Variants in BMERB1 observed in about 807,000 individuals in gnomAD.
BMERB1 encodes the protein bMERB domain-containing protein 1.
BMERB1 carries 12 observed loss-of-function variants against 23.6 expected under a neutral mutation model. The ratio of observed to expected loss-of-function variants is 0.51; its 90% confidence interval spans 0.33 to 0.82. The LOEUF (loss-of-function observed/expected upper bound fraction) is 0.82. Ranked by LOEUF, BMERB1 falls within the 40% of genes least tolerant of loss-of-function variation. The probability of loss-of-function intolerance (pLI) is 0.03; values close to 1 mark genes in which losing one functional copy is unlikely to be tolerated. For synonymous variants in BMERB1, 122 were observed against 96.6 expected (o/e 1.26, Z -1.54); for missense variants, 247 against 255.4 (o/e 0.97, Z 0.22).
chr16:15,531,150 G>T (rs1016636559), intron 2 of BMERB1, among the ~76,000 whole-genome samples: 2 of 151,752 alleles, frequency 1.3e-5, no homozygotes, highest in Non-Finnish European at 2.9e-5. Flanking sequence ...CTCGTGATCC[G>T]CCCACCTCAG....
At chr16:15,440,187 G>T (rs760716064) in intron 1 of BMERB1, among the ~76,000 whole-genome samples, 8 of 144,640 alleles carry the variant, frequency 5.5e-5, no homozygotes. Flanking sequence ...AGAGGTTGCA[G>T]TGAGCCGAGA....
chr16:15,519,756 T>A (rs549199879), intron 2 of BMERB1, among the ~76,000 whole-genome samples: 1 of 152,036 alleles, frequency 6.6e-6, no homozygotes, highest in Non-Finnish European at 1.5e-5. Context: ...CACCCTCACA[T>A]TTAGATTATT....
chr16:15,541,459 ACT>A (rs1201834815), intron 2 of BMERB1, among the ~76,000 whole-genome samples: 73 of 119,854 alleles, frequency 6.1e-4, no homozygotes, highest in African/African-American at 2.3e-3. Flanking sequence ...ACAGGGTCTC[ACT>A]CTGTCACCCA....
chr16:15,469,211 C>T (rs983741841), intron 1 of BMERB1, among the ~76,000 whole-genome samples: 1 of 152,120 alleles, frequency 6.6e-6, no homozygotes, highest in Non-Finnish European at 1.5e-5. Flanking sequence ...AGCAATCCTC[C>T]CACCTCAGCA....
At chr16:15,502,130 C>T (rs867596155) in intron 1 of BMERB1, 13 of 670,710 alleles carry the variant, frequency 1.9e-5, no homozygotes, top group African/African-American at 1.3e-4. Context: ...GTCTGCTTGA[C>T]GCCAATGCCT....
intron 3 of BMERB1, among the ~76,000 whole-genome samples, chr16:15,575,472 T>A (rs762331971): frequency 6.6e-6 from 1 of 152,196 alleles, no homozygotes; most frequent in Non-Finnish European, 1.5e-5. Context: ...TTTTCCTTTA[T>A]TTCCATGCTT....
At chr16:15,551,349 G>T (rs2030087014) in intron 2 of BMERB1, among the ~76,000 whole-genome samples, 1 of 152,122 alleles carries the variant, frequency 6.6e-6, no homozygotes, top group African/African-American at 2.4e-5. Context: ...AACCATGAAG[G>T]AAAAAGGCAA....
At chr16:15,499,526 A>C (rs1396352804) in intron 1 of BMERB1, among the ~76,000 whole-genome samples, 1 of 152,214 alleles carries the variant, frequency 6.6e-6, no homozygotes, top group South Asian at 2.1e-4. Flanking sequence ...GAGGAAGAGC[A>C]TGTTTCCAGA....
chr16:15,468,671 A>G (rs2051204527), intron 1 of BMERB1, among the ~76,000 whole-genome samples: 1 of 152,080 alleles, frequency 6.6e-6, no homozygotes, highest in African/African-American at 2.4e-5. Context: ...TCTTTTGCAG[A>G]GCAAAGGTTT....
chr16:15,540,072 C>T (rs1274227772), intron 2 of BMERB1, among the ~76,000 whole-genome samples: 1 of 151,872 alleles, frequency 6.6e-6, no homozygotes, highest in Non-Finnish European at 1.5e-5. Flanking sequence ...GGGAGGATTG[C>T]TGGAACCCAG....
chr16:15,450,937 C>T (rs755576006), intron 1 of BMERB1, among the ~76,000 whole-genome samples: 30 of 152,006 alleles, frequency 2.0e-4, no homozygotes, highest in Non-Finnish European at 3.4e-4. Flanking sequence ...TCCATCATAT[C>T]GATGATCATT....
intron 1 of BMERB1, 93 bp from the exon 2 acceptor site, chr16:15,515,212 G>T (rs1293634907): frequency 1.3e-6 from 2 of 1,561,310 alleles, no homozygotes; most frequent in East Asian, 2.3e-5. Flanking sequence ...TATGATGGTC[G>T]CAGAGCAAGG....
At chr16:15,472,974 C>T (rs1268006656) in intron 1 of BMERB1, among the ~76,000 whole-genome samples, 3 of 151,554 alleles carry the variant, frequency 2.0e-5, no homozygotes, top group Non-Finnish European at 4.4e-5. Context: ...GTTCTCATGC[C>T]TCAGCCTCCC....
At chr16:15,449,769 CTCCTGACTTCAGGTGA>C (rs1359506093) in intron 1 of BMERB1, among the ~76,000 whole-genome samples, 1 of 152,070 alleles carries the variant, frequency 6.6e-6, no homozygotes, top group Admixed American at 6.6e-5. Context: ...TGGTCTCGAA[CTCCTGACTTCAGGTGA>C]TCCACCCATC....
At position 15,587,437 on chromosome 16, in the gene BMERB1, T is replaced by C. The variant is rs2031178288; in HGVS notation, c.*608T>C. 3.2e-6 allele frequency: 1 copy of C among 309,730 alleles called. No individual in the cohort carries two copies. The highest frequency in any genetic ancestry group is 6.8e-6 in the Non-Finnish European group (1 of 146,350). The allele number at this position is 309,730 out of a possible 1,614,324, so 19.2% of individuals were successfully genotyped here. ...TGGTGTCGTGGTCACATCTCCCGCTTCCCCCCATCCTGTGTCTGGGCACAG... is the reference window on the plus strand; with the variant it reads ...TGGTGTCGTGGTCACATCTCCCGCTCCCCCCCATCCTGTGTCTGGGCACAG... On this transcript the variant is annotated 3_prime_UTR_variant, in exon 6 of 6. Coordinates refer to ENST00000300006, the MANE Select transcript of BMERB1 (RefSeq NM_033201.3).
At chr16:15,564,716 C>T (rs1477545063) in intron 2 of BMERB1, among the ~76,000 whole-genome samples, 2 of 152,170 alleles carry the variant, frequency 1.3e-5, no homozygotes, top group African/African-American at 2.4e-5. Flanking sequence ...GTTGAAATCC[C>T]TGTTGCTACA....
chr16:15,444,340 CTT>C lies in BMERB1; in HGVS notation c.106+9582_106+9583del, dbSNP rs1251254190. Among the ~76,000 whole-genome samples, 3 of 151,682 alleles carry C rather than the reference CTT, an allele frequency of 2.0e-5. No individual in the cohort carries two copies. In the East Asian group the frequency reaches 5.8e-4, roughly 29 times the overall value. ...ACTTGTTGTGGGCGTCTCCTGTGCA[CTT>C]GTTTTAGAGGAACAGAGCTAGATGG... On this transcript the variant is annotated intron_variant, in intron 1 of 5. Coordinates refer to ENST00000300006, the MANE Select transcript of BMERB1 (RefSeq NM_033201.3).
intron 1 of BMERB1, among the ~76,000 whole-genome samples, chr16:15,441,209 T>C (rs955710172): frequency 6.6e-6 from 1 of 152,114 alleles, no homozygotes; most frequent in Non-Finnish European, 1.5e-5. Flanking sequence ...TAACATGAAC[T>C]GTTATGTTTT....
At position 15,555,412 on chromosome 16, in the gene BMERB1, A is replaced by C. The variant is rs77985885; in HGVS notation, c.231-12571A>C. ...CATACATACAGAAAAGAGCAGTATT[A>C]GTAGTTGTTATTGTAAGAAAAATGA... On this transcript the variant is annotated intron_variant, in intron 2 of 5. Transcript: ENST00000300006. Among the ~76,000 whole-genome samples the C allele has an allele frequency of 2.9e-3, 442 of 152,332 alleles. 2 individuals carry two copies. The highest frequency in any genetic ancestry group is 0.01 in the African/African-American group (431 of 41,576).
Sources: allele counts gnomAD v4.1 joint callset (sites outside exome capture counted in the v4.1 genomes callset), GRCh38; gene constraint gnomAD v4.1.1; transcripts MANE v1.5; gene names NCBI Gene and HGNC (gene_info 2026-07-23, HGNC 2026-07-21).